The following ZFYVE1 variants were observed in gnomAD, a reference collection of about 807,000 sequenced individuals.
ZFYVE1 encodes zinc finger FYVE-type containing 1, also known as zinc finger FYVE domain-containing protein 1.
A neutral mutation model predicts 74.4 loss-of-function variants in ZFYVE1; 30 were observed. The ratio of observed to expected loss-of-function variants is 0.40; its 90% CI spans 0.30 to 0.55. The LOEUF (loss-of-function observed/expected upper bound fraction) is 0.55, where lower values mean the gene tolerates loss of function less well. Ranked by LOEUF, ZFYVE1 falls within the 20% of genes least tolerant of loss-of-function variation. The pLI is 0.42. For missense variants in ZFYVE1, 703 were observed against 1,011.6 expected (o/e 0.69, Z 4.14); for synonymous variants, 335 against 385.1 (o/e 0.87, Z 1.52).
chr14:72,989,162 G>A (rs1453740645), intron 4 of ZFYVE1, among the ~76,000 whole-genome samples: 2 of 151,890 alleles, frequency 1.3e-5, no homozygotes, highest in Non-Finnish European at 2.9e-5. Flanking sequence ...TCCTGACCTC[G>A]TGATCTGCCT....
At chr14:72,982,020 C>T in intron 4 of ZFYVE1, 125 bp from the exon 5 acceptor site, 1 of 749,618 alleles carries the variant, frequency 1.3e-6, no homozygotes, top group East Asian at 2.7e-5. Context: ...TGCTCATTAC[C>T]CTTGACCTTC....
intron 2 of ZFYVE1, among the ~76,000 whole-genome samples, chr14:73,020,528 A>G (rs1293147775): frequency 6.6e-6 from 1 of 151,918 alleles, no homozygotes; most frequent in Non-Finnish European, 1.5e-5. Context: ...AATTTTTTGT[A>G]TTTTTAGTAG....
intron 5 of ZFYVE1, among the ~76,000 whole-genome samples, chr14:72,981,261 C>T (rs773528500): frequency 2.6e-5 from 4 of 152,154 alleles, no homozygotes; most frequent in African/African-American, 4.8e-5. Context: ...ATTAGAATCC[C>T]AGAAGGTGGT....
Position 72,970,053 on chromosome 14 carries a change from T to C in ZFYVE1, c.*829A>G, listed in dbSNP as rs76872776. On this transcript the variant is annotated 3_prime_UTR_variant, in exon 12 of 12. Transcript: ENST00000556143. ...GAGGGGTGGGAGGCAGATGCTTCGA[T>C]TGAGGAGCTGGGTGCCGCCTTTTGG... 0.014 allele frequency: 4,950 copies of C among 360,584 alleles called. 188 individuals are homozygous for C. Among genetic ancestry groups the C allele is most frequent in the African/African-American group, 0.09 (4,290 of 47,582 alleles). The allele number at this position is 360,584 out of a possible 1,614,324, so 22.3% of individuals were successfully genotyped here.
chr14:72,984,015 G>A (rs1177304622), intron 4 of ZFYVE1, among the ~76,000 whole-genome samples: 1 of 152,174 alleles, frequency 6.6e-6, no homozygotes, highest in Non-Finnish European at 1.5e-5. Flanking sequence ...AGTCAGGTCA[G>A]GTGTAGGACC....
intron 4 of ZFYVE1, among the ~76,000 whole-genome samples, chr14:72,983,336 A>G (rs1242649974): frequency 1.4e-5 from 2 of 147,680 alleles, no homozygotes; most frequent in East Asian, 2.1e-4. Flanking sequence ...TCCTAATGCT[A>G]TCCTTCCCCC....
chr14:73,017,530 T>C (rs563831557), intron 2 of ZFYVE1, among the ~76,000 whole-genome samples: 1 of 152,352 alleles, frequency 6.6e-6, no homozygotes, highest in Non-Finnish European at 1.5e-5. Context: ...TCTTAAAGAC[T>C]TAGTTTTATC....
At chr14:72,982,536 T>G (rs1834146834) in intron 4 of ZFYVE1, among the ~76,000 whole-genome samples, 1 of 152,094 alleles carries the variant, frequency 6.6e-6, no homozygotes, top group South Asian at 2.1e-4. Context: ...AACTGAAAAT[T>G]TCAGGTTGAA....
In ZFYVE1 at chr14:72,970,463, G is replaced by T. The variant is rs1245492601; in HGVS notation, c.*419C>A. 2 of 191,708 alleles carry T rather than the reference G, an allele frequency of 1.0e-5. No individual in the cohort carries two copies. Among genetic ancestry groups the T allele is most frequent in the East Asian group, 2.6e-4 (2 of 7,838 alleles). The allele number at this position is 191,708 out of a possible 1,614,324, so 11.9% of individuals were successfully genotyped here. A position where few individuals can be genotyped will look rare whatever the true frequency, so the allele number is the denominator to read the frequency against. ...CAGAGGAAGGGGCCAGCCACGTGGT[G>T]GCCATGGACCTGGCTCGGCTCATGA... On this transcript the variant is annotated 3_prime_UTR_variant, in exon 12 of 12. Transcript: ENST00000556143.
intron 2 of ZFYVE1, among the ~76,000 whole-genome samples, chr14:72,999,694 C>T: frequency 6.6e-6 from 1 of 152,192 alleles, no homozygotes; most frequent in East Asian, 1.9e-4. Context: ...CTCAACAAGG[C>T]TGAGGCAAGA....
At chr14:72,971,337 A>AT (rs753876955) in intron 11 of ZFYVE1, among the ~76,000 whole-genome samples, 62 of 152,086 alleles carry the variant, frequency 4.1e-4, no homozygotes, top group Admixed American at 1.6e-3. Context: ...CCTTTTTCAC[A>AT]TTTTTTAAGA....
intron 2 of ZFYVE1, among the ~76,000 whole-genome samples, chr14:72,999,748 T>C (rs1297189946): frequency 6.6e-6 from 1 of 152,064 alleles, no homozygotes; most frequent in Non-Finnish European, 1.5e-5. Context: ...TGGGAAACAG[T>C]GTCATCCGCC....
At position 72,975,860 on chromosome 14, in the gene ZFYVE1, AC is replaced by A; in HGVS notation, c.1636-140del. 1.1e-6 allele frequency: 1 copy of A among 915,948 alleles called. No homozygotes were observed. The highest frequency in any genetic ancestry group is 1.6e-6 in the Non-Finnish European group (1 of 608,718). The allele number at this position is 915,948 out of a possible 1,614,324, so 56.7% of individuals were successfully genotyped here. A position where few individuals can be genotyped will look rare whatever the true frequency, so the allele number is the denominator to read the frequency against. On this transcript the variant is annotated intron_variant, in intron 8 of 11. Coordinates refer to ENST00000556143, the MANE Select transcript of ZFYVE1 (RefSeq NM_021260.4). The surrounding 1 kb of genome is among the most constrained non-coding windows in gnomAD (Gnocchi z 4.1). ...CCCTGGCAGGGAAGAACGGAGACACACCAGGAATCCCTCTGGCTTTATTCTC... is the reference window on the plus strand; with the variant it reads ...CCCTGGCAGGGAAGAACGGAGACACACAGGAATCCCTCTGGCTTTATTCTC...
chr14:72,977,865 A>G (rs566992233), intron 8 of ZFYVE1, 62 bp downstream of exon 8: 1 of 1,540,836 alleles, frequency 6.5e-7, no homozygotes, highest in East Asian at 2.3e-5. Flanking sequence ...CCAGTTTTCT[A>G]TACACATGAA....
rs1312666975 is a variant in ZFYVE1 at position 73,024,650 on chromosome 14, C to G, written c.-142G>C. On this transcript the variant is annotated 5_prime_UTR_variant, in exon 2 of 12. Transcript: ENST00000556143. The stretch of plus-strand genomic sequence containing the variant: ...TTTAAAAAAGAACACCTTTCATGTC[C>G]TGTTATAGTTCTTCACAAACAAATG... The G allele has an allele frequency of 3.3e-6, 4 of 1,215,102 alleles. No individual in the cohort carries two copies. Among genetic ancestry groups the G allele is most frequent in the Non-Finnish European group, 4.4e-6 (4 of 905,448 alleles). 75.3% of individuals were successfully genotyped at this position (1,215,102 alleles called of 1,614,324 possible).
intron 2 of ZFYVE1, among the ~76,000 whole-genome samples, chr14:73,020,076 G>A (rs1894285028): frequency 6.6e-6 from 1 of 152,080 alleles, no homozygotes; most frequent in Non-Finnish European, 1.5e-5. Context: ...TCAATATGGT[G>A]AAACTCCATC....
At chr14:73,009,490 C>T (rs1482115940) in intron 2 of ZFYVE1, among the ~76,000 whole-genome samples, 1 of 152,212 alleles carries the variant, frequency 6.6e-6, no homozygotes, top group Non-Finnish European at 1.5e-5. Context: ...GGCGCGGAGG[C>T]TCACGCCTGT....
chr14:72,992,902 G>C (rs373077241), intron 4 of ZFYVE1, among the ~76,000 whole-genome samples: 6 of 152,250 alleles, frequency 3.9e-5, no homozygotes, highest in East Asian at 3.9e-4. Context: ...TGAGTGCCTG[G>C]TTTTTCTCCT....
intron 2 of ZFYVE1, among the ~76,000 whole-genome samples, chr14:73,003,054 CTTTT>C (rs201185010): frequency 5.8e-5 from 6 of 102,968 alleles, no homozygotes; most frequent in Non-Finnish European, 3.7e-5. Flanking sequence ...TTTTTCTTTT[CTTTT>C]TTTTTTTTTT....
Sources: gnomAD v4.1 joint callset for allele counts (sites outside exome capture counted in the v4.1 genomes callset) on GRCh38, gnomAD v4.1.1 for gene constraint, Gnocchi (gnomAD v3.1) non-coding constraint, MANE v1.5 for transcripts, NCBI Gene and HGNC (gene_info 2026-07-23, HGNC 2026-07-21) for gene names.